The following ACTMAP variants were observed in gnomAD, a reference collection of about 807,000 sequenced individuals.
The protein encoded by ACTMAP is UPF0692 protein C19orf54.
chr19:40,744,890 G>T, the ACTMAP span: 1 of 842,352 alleles, frequency 1.2e-6, no homozygotes, highest in Non-Finnish European at 1.8e-6. Context: ...AGCTTCCTGG[G>T]AGGAGGAACC....
the ACTMAP span, chr19:40,744,220 G>A: frequency 2.7e-4 from 416 of 1,533,458 alleles, no homozygotes; most frequent in Admixed American, 7.0e-4. Context: ...GCACACAGAG[G>A]GGGCTTGCTG....
chr19:40,747,900 T>A, the ACTMAP span, among the ~76,000 whole-genome samples: 1 of 152,060 alleles, frequency 6.6e-6, no homozygotes, highest in East Asian at 1.9e-4. Flanking sequence ...CTTGGAGCCC[T>A]GCCGCCAGAG....
At chr19:40,749,404 A>ACC in the ACTMAP span, 7,491 of 1,169,800 alleles carry the variant, frequency 6.4e-3, 24 homozygotes, top group Admixed American at 9.6e-3. Context: ...GGACACGGGA[A>ACC]CCCCCCCCCC....
the ACTMAP span, chr19:40,741,137 A>G: frequency 2.5e-6 from 1 of 399,662 alleles, no homozygotes; most frequent in Non-Finnish European, 4.4e-6. Context: ...TACCCTGATC[A>G]CTGGTTAGAA....
chr19:40,742,703 C>G, the ACTMAP span: 2 of 1,612,724 alleles, frequency 1.2e-6, no homozygotes, highest in Non-Finnish European at 1.7e-6. Flanking sequence ...CTGGGTGGAA[C>G]AGGCCCGGCA....
At chr19:40,744,058 C>G in the ACTMAP span, 30 of 1,613,770 alleles carry the variant, frequency 1.9e-5, no homozygotes, top group South Asian at 2.3e-4. Flanking sequence ...CTCCCAGGCC[C>G]TGGGATACGG....
the ACTMAP span, chr19:40,742,001 C>G: frequency 6.7e-6 from 3 of 448,948 alleles, no homozygotes; most frequent in African/African-American, 6.0e-5. Flanking sequence ...ACTCAATGAT[C>G]CGGGGATTTG....
At chr19:40,741,690 T>A in the ACTMAP span, 3 of 456,506 alleles carry the variant, frequency 6.6e-6, no homozygotes, top group South Asian at 4.6e-5. Flanking sequence ...GCTTGAATCC[T>A]GACCTTGCCA....
At chr19:40,750,417 G>A in the ACTMAP span, 2 of 152,292 alleles carry the variant, frequency 1.3e-5, no homozygotes, top group African/African-American at 4.8e-5. Flanking sequence ...AGAGGCCGGT[G>A]GGCGCCGCGA....
the ACTMAP span, chr19:40,745,161 C>G: frequency 7.2e-5 from 112 of 1,551,882 alleles, no homozygotes; most frequent in East Asian, 2.4e-3. Flanking sequence ...GACGGCAGGT[C>G]TGCACAGAAG....
chr19:40,750,257 G>A, the ACTMAP span: 1 of 153,358 alleles, frequency 6.5e-6, no homozygotes, highest in South Asian at 1.9e-4. Context: ...TCACATCCCA[G>A]GCCCGAGTTC....
chr19:40,749,871 G>C, the ACTMAP span: 1 of 1,199,114 alleles, frequency 8.3e-7, no homozygotes, highest in East Asian at 2.9e-5. Flanking sequence ...AACGGAGAAC[G>C]GTCTCAGGGA....
chr19:40,744,544 AG>A, the ACTMAP span: 2 of 1,612,874 alleles, frequency 1.2e-6, no homozygotes, highest in Non-Finnish European at 1.7e-6. Context: ...TGGAGCATGC[AG>A]TCACCCAGCT....
chr19:40,749,521 T>C, the ACTMAP span: 1 of 1,550,716 alleles, frequency 6.4e-7, no homozygotes, highest in Non-Finnish European at 8.7e-7. Context: ...ACATCTTCTC[T>C]GCCCTTGGGG....
the ACTMAP span, among the ~76,000 whole-genome samples, chr19:40,749,050 G>A: frequency 1.3e-5 from 2 of 150,254 alleles, no homozygotes; most frequent in East Asian, 3.9e-4. Flanking sequence ...GAGTGCAGTG[G>A]CGCAATTTTG....
chr19:40,743,933 GC>G, the ACTMAP span: 1 of 1,614,006 alleles, frequency 6.2e-7, no homozygotes. Context: ...GTGCCTTGTG[GC>G]CCTTCCTCTG....
At chr19:40,744,508 CTGGTCCCAGCCTCAT>C in the ACTMAP span, 10 of 1,604,326 alleles carry the variant, frequency 6.2e-6, no homozygotes, top group Non-Finnish European at 8.5e-6. Flanking sequence ...CCCAGCCTCT[CTGGTCCCAGCCTCAT>C]GAAGAGATGA....
chr19:40,749,115 C>T, the ACTMAP span, among the ~76,000 whole-genome samples: 176 of 151,972 alleles, frequency 1.2e-3, no homozygotes, highest in African/African-American at 3.9e-3. Flanking sequence ...CTCAGCCTCC[C>T]GAGTAGCTGG....
chr19:40,749,529 G>A, the ACTMAP span: 5 of 1,551,234 alleles, frequency 3.2e-6, no homozygotes, highest in Admixed American at 2.0e-5. Flanking sequence ...TCTGCCCTTG[G>A]GGACCGGGCC....
Sources: allele counts gnomAD v4.1 joint callset (sites outside exome capture counted in the v4.1 genomes callset), GRCh38; gene constraint gnomAD v4.1.1; transcripts MANE v1.5; gene names NCBI Gene and HGNC (gene_info 2026-07-23, HGNC 2026-07-21).